Variants in ALPK1 observed in about 807,000 individuals in gnomAD.
ALPK1 encodes alpha-protein kinase 1.
ALPK1 carries 110 observed loss-of-function variants against 120.6 expected under a neutral mutation model. The observed-to-expected ratio is 0.91, with a 90% confidence interval of 0.78 to 1.07. ALPK1 has a LOEUF of 1.07. Among genes scored for constraint, ALPK1 ranks in the 50% least tolerant of loss-of-function variants. ALPK1 has a pLI of 0.00. For missense variants in ALPK1, 1,498 were observed against 1,483.9 expected, an observed-to-expected ratio of 1.01 and a Z score of -0.16; for synonymous variants, 582 against 560.3, an observed-to-expected ratio of 1.04 and a Z score of -0.55.
intron 2 of ALPK1, among the ~76,000 whole-genome samples, chr4:112,349,934 C>T (rs1730275244): frequency 6.6e-6 from 1 of 152,216 alleles, no homozygotes; most frequent in Non-Finnish European, 1.5e-5. Flanking sequence ...ATTTTAGGCT[C>T]CAGAAGAAAT....
At chr4:112,330,083 T>A (rs1729298548) in intron 2 of ALPK1, among the ~76,000 whole-genome samples, 1 of 152,186 alleles carries the variant, frequency 6.6e-6, no homozygotes, top group Non-Finnish European at 1.5e-5. Context: ...TTAGAATAAA[T>A]GAAGAGAGCA....
chr4:112,329,235 A>C (rs1358406927), intron 2 of ALPK1, among the ~76,000 whole-genome samples: 1 of 152,232 alleles, frequency 6.6e-6, no homozygotes, highest in Admixed American at 6.5e-5. Flanking sequence ...ACTTACGGAG[A>C]ATTGTACCCA....
chr4:112,370,305 C>T (rs1394406015), intron 2 of ALPK1, among the ~76,000 whole-genome samples: 1 of 151,990 alleles, frequency 6.6e-6, no homozygotes, highest in African/African-American at 2.4e-5. Flanking sequence ...GCACATGTGC[C>T]TTAAAGTGTA....
At chr4:112,425,618 A>G in intron 6 of ALPK1, 47 bp from the exon 7 acceptor site, 2 of 1,493,784 alleles carry the variant, frequency 1.3e-6, no homozygotes, top group Non-Finnish European at 1.9e-6. Context: ...TTAATTTGCA[A>G]GGCTATATCT....
chr4:112,379,589 C>G (rs1281397801), intron 3 of ALPK1, among the ~76,000 whole-genome samples: 2 of 152,214 alleles, frequency 1.3e-5, no homozygotes, highest in African/African-American at 4.8e-5. Flanking sequence ...GCAGGCGGGT[C>G]GTGCCGCCAC....
intron 4 of ALPK1, among the ~76,000 whole-genome samples, chr4:112,394,148 T>G (rs187635119): frequency 6.6e-6 from 1 of 152,122 alleles, no homozygotes; most frequent in Non-Finnish European, 1.5e-5. Flanking sequence ...ACAGCCGGGT[T>G]TCCTACTCCT....
chr4:112,406,678 C>A (rs1276445202), intron 4 of ALPK1, among the ~76,000 whole-genome samples: 1 of 152,102 alleles, frequency 6.6e-6, no homozygotes, highest in African/African-American at 2.4e-5. Flanking sequence ...CCAAAGCAAG[C>A]CATAAAACCT....
intron 4 of ALPK1, 70 bp downstream of exon 4, chr4:112,382,622 T>G: frequency 6.2e-7 from 1 of 1,604,652 alleles, no homozygotes; most frequent in African/African-American, 1.3e-5. Context: ...AGTGGTCTAA[T>G]AGATTAAATT....
intron 2 of ALPK1, among the ~76,000 whole-genome samples, chr4:112,325,294 T>G (rs1021719359): frequency 6.6e-6 from 1 of 152,236 alleles, no homozygotes; most frequent in Non-Finnish European, 1.5e-5. Flanking sequence ...TATTCCCATT[T>G]ACCAGCCATG....
At chr4:112,366,309 G>C (rs1327611032) in intron 2 of ALPK1, among the ~76,000 whole-genome samples, 1 of 151,162 alleles carries the variant, frequency 6.6e-6, no homozygotes, top group Non-Finnish European at 1.5e-5. Context: ...ATCCAACAAG[G>C]GACTAATTTC....
At chr4:112,341,122 T>C (rs1729845210) in intron 2 of ALPK1, among the ~76,000 whole-genome samples, 1 of 152,200 alleles carries the variant, frequency 6.6e-6, no homozygotes, top group Admixed American at 6.5e-5. Context: ...TGTGTCTGTG[T>C]GCGTGTGTGT....
At chr4:112,350,509 C>G (rs1234473934) in intron 2 of ALPK1, among the ~76,000 whole-genome samples, 2 of 152,208 alleles carry the variant, frequency 1.3e-5, no homozygotes, top group African/African-American at 4.8e-5. Context: ...ATTTCCGTTG[C>G]CTCACCCACT....
intron 2 of ALPK1, among the ~76,000 whole-genome samples, chr4:112,319,485 C>A (rs932318593): frequency 2.6e-5 from 4 of 152,124 alleles, no homozygotes; most frequent in Admixed American, 6.5e-5. Context: ...GTGATGCCTA[C>A]GGATTTGTTC....
At chr4:112,400,563 G>A (rs891146557) in intron 4 of ALPK1, among the ~76,000 whole-genome samples, 9 of 152,108 alleles carry the variant, frequency 5.9e-5, no homozygotes, top group Non-Finnish European at 1.2e-4. Context: ...TCATGGTTGT[G>A]TTTTTTTCCA....
At chr4:112,417,497 T>G (rs1291444662) in intron 5 of ALPK1, among the ~76,000 whole-genome samples, 2 of 152,206 alleles carry the variant, frequency 1.3e-5, no homozygotes, top group Non-Finnish European at 2.9e-5. Context: ...TTTGTTTTTA[T>G]TTTTTGGGGG....
chr4:112,432,688 C>T, intron 11 of ALPK1, 107 bp downstream of exon 11: 2 of 1,001,480 alleles, frequency 2.0e-6, no homozygotes, highest in Non-Finnish European at 2.9e-6. Context: ...GGTATAGAAC[C>T]CTGGTATGCT....
chr4:112,433,951 A>C (rs1734684622), intron 11 of ALPK1, among the ~76,000 whole-genome samples: 1 of 152,206 alleles, frequency 6.6e-6, no homozygotes, highest in Non-Finnish European at 1.5e-5. Flanking sequence ...TTCTGCTTAA[A>C]GCCACTGTTA....
intron 3 of ALPK1, 56 bp from the exon 4 acceptor site, chr4:112,382,342 G>A (rs1418698131): frequency 1.4e-6 from 2 of 1,389,954 alleles, no homozygotes; most frequent in African/African-American, 1.5e-5. Context: ...AACATTGGTA[G>A]CTCAACAGCC....
chr4:112,315,269 C>T (rs1728584140), intron 1 of ALPK1, among the ~76,000 whole-genome samples: 1 of 152,142 alleles, frequency 6.6e-6, no homozygotes, highest in Admixed American at 6.5e-5. Context: ...GGGGGATTCC[C>T]ATTTTTCTGG....
Sources: allele counts gnomAD v4.1 joint callset (sites outside exome capture counted in the v4.1 genomes callset), GRCh38; gene constraint gnomAD v4.1.1; transcripts MANE v1.5; gene names NCBI Gene and HGNC (gene_info 2026-07-23, HGNC 2026-07-21).